The following RIC3 variants were observed in gnomAD, a reference collection of about 807,000 sequenced individuals.
RIC3 encodes the protein protein RIC-3.
Under a neutral mutation model 27.3 loss-of-function variants are expected in RIC3, and 28 were observed. The ratio of observed to expected loss-of-function variants is 1.02; its 90% CI spans 0.76 to 1.41. The LOEUF is 1.41. RIC3 is among the 40% of genes most tolerant of loss of function. The pLI, the probability that RIC3 is intolerant of heterozygous loss-of-function variation, is 0.00. For missense variants in RIC3, 501 were observed against 444.7 expected, an observed-to-expected ratio of 1.13 and a Z score of -1.14; for synonymous variants, 184 against 160.4, an observed-to-expected ratio of 1.15 and a Z score of -1.11.
intron 5 of RIC3, among the ~76,000 whole-genome samples, chr11:8,119,525 ACCT>A (rs1205099617): frequency 6.6e-6 from 1 of 152,194 alleles, no homozygotes; most frequent in Non-Finnish European, 1.5e-5. Flanking sequence ...CCTTCCTTGC[ACCT>A]TATACAAAAA....
intron 5 of RIC3, among the ~76,000 whole-genome samples, chr11:8,113,388 A>C (rs1414675706): frequency 1.3e-5 from 2 of 152,116 alleles, no homozygotes; most frequent in African/African-American, 4.8e-5. Flanking sequence ...TAATGCCTGC[A>C]CCCACAGACC....
the RIC3 span, among the ~76,000 whole-genome samples, chr11:8,100,341 C>T: frequency 2.6e-5 from 4 of 152,012 alleles, no homozygotes; most frequent in South Asian, 4.2e-4. Flanking sequence ...GGGTAGAGAC[C>T]CAGGGGCTCA....
In RIC3 at chr11:8,122,455, G is replaced by GTATGTATATATATATATATATA. The variant is rs1946561326; in HGVS notation, c.670+4203_670+4204insTATATATATATATATATACATA. Among the ~76,000 whole-genome samples the GTATGTATATATATATATATATA allele has an allele frequency of 2.0e-5, 3 of 151,704 alleles. No individual in the cohort carries two copies. The Admixed American group carries it at 2.0e-4, about 10-fold the overall frequency. On this transcript the variant is annotated intron_variant, in intron 5 of 5. Coordinates refer to ENST00000309737, the MANE Select transcript of RIC3 (RefSeq NM_001206671.4). ...TATTGCTAAGTGTATACCACAGTGT[G>GTATGTATATATATATATATATA]TATATATATATGTACCACAGTTTAT...
chr11:8,119,464 A>T (rs11041750), intron 5 of RIC3, among the ~76,000 whole-genome samples: 6,321 of 152,088 alleles, frequency 0.042, 154 homozygotes, highest in Middle Eastern at 0.078. Flanking sequence ...CTATTTAATA[A>T]ATGGTGCTGG....
intron 4 of RIC3, among the ~76,000 whole-genome samples, chr11:8,131,900 CAAAAAAAAAAAAAAAA>C (rs796158730): frequency 4.6e-4 from 12 of 26,176 alleles, no homozygotes; most frequent in East Asian, 2.2e-3. Context: ...GACTCCATCT[CAAAAAAAAAAAAAAAA>C]AAAAAAAAAA....
intron 4 of RIC3, among the ~76,000 whole-genome samples, chr11:8,131,855 T>C (rs1197231937): frequency 7.6e-6 from 1 of 131,808 alleles, no homozygotes; most frequent in Admixed American, 9.6e-5. Context: ...GACCTGAGAT[T>C]GCACCACAGC....
At chr11:8,102,018 G>C, downstream of RIC3, 1 of 209,250 alleles carries the variant, frequency 4.8e-6, no homozygotes, top group African/African-American at 2.3e-5. Flanking sequence ...CAGCCAAGGA[G>C]TCAGATGGCA....
chr11:8,110,487 A>C lies in RIC3; in HGVS notation c.*211T>G. ...AGGAAAGGCAGGAAGAGAAAGAGCG[A>C]AGCTGTCCTGTGTTCACACTAATGT... On this transcript the variant is annotated 3_prime_UTR_variant, in exon 6 of 6. Coordinates refer to ENST00000309737, the MANE Select transcript of RIC3 (RefSeq NM_001206671.4). 1.6e-6 allele frequency: 1 copy of C among 636,452 alleles called. No individual in the cohort carries two copies. The highest frequency in any genetic ancestry group is 2.8e-6 in the Non-Finnish European group (1 of 353,414). The allele number at this position is 636,452 out of a possible 1,614,324, so 39.4% of individuals were successfully genotyped here.
intron 5 of RIC3, among the ~76,000 whole-genome samples, chr11:8,120,839 T>G (rs1946364662): frequency 6.6e-6 from 1 of 152,096 alleles, no homozygotes; most frequent in African/African-American, 2.4e-5. Context: ...AATATCAAAT[T>G]AAAGTAGAGA....
chr11:8,137,264 T>C, intron 4 of RIC3, 114 bp downstream of exon 4: 2 of 803,344 alleles, frequency 2.5e-6, no homozygotes, highest in Non-Finnish European at 4.2e-6. Context: ...CCTCAGATGA[T>C]CCACCCACCT....
chr11:8,127,004 ATT>A (rs1291124680), intron 4 of RIC3, 197 bp from the exon 5 acceptor site: 1 of 656,304 alleles, frequency 1.5e-6, no homozygotes, highest in Non-Finnish European at 2.6e-6. Flanking sequence ...AAATGGGAAA[ATT>A]AAAGCCCAGA....
chr11:8,163,040 CACACACACACAT>C (rs1420098616), intron 1 of RIC3, among the ~76,000 whole-genome samples: 15 of 147,126 alleles, frequency 1.0e-4, no homozygotes, highest in African/African-American at 3.6e-4. Flanking sequence ...CACACACACA[CACACACACACAT>C]ACACACACAC....
At chr11:8,101,541 T>C (rs1944306300), downstream of RIC3, 3 of 1,614,204 alleles carry the variant, frequency 1.9e-6, no homozygotes, top group African/African-American at 4.0e-5. Context: ...TCACCATGGA[T>C]TACAACTACC....
At chr11:8,158,280 T>C (rs1950852037) in intron 1 of RIC3, among the ~76,000 whole-genome samples, 1 of 152,204 alleles carries the variant, frequency 6.6e-6, no homozygotes, top group Non-Finnish European at 1.5e-5. Flanking sequence ...GGGTCTGTGC[T>C]ATTCCACAGG....
At position 8,163,483 on chromosome 11, in the gene RIC3, T is replaced by TA. The variant is rs1215562983; in HGVS notation, c.124+5382dup. The stretch of plus-strand genomic sequence containing the variant: ...AAATAAAAATAAAAGGCATTCAGAT[T>TA]AAAAAAAAAAGTAAAACTATCTCTA... On this transcript the variant is annotated intron_variant, in intron 1 of 5. Coordinates refer to ENST00000309737, the MANE Select transcript of RIC3 (RefSeq NM_001206671.4). 4.1e-4 allele frequency among the ~76,000 whole-genome samples: 61 copies of TA among 147,538 alleles called. 1 individual carries two copies. The South Asian group carries it at 5.4e-3, about 13-fold the overall frequency.
At chr11:8,104,657 A>G (rs566594158), downstream of RIC3, 1 of 152,114 alleles carries the variant, frequency 6.6e-6, no homozygotes, top group East Asian at 1.9e-4. Context: ...AGAGGACACC[A>G]TCCAAGAATG....
chr11:8,138,224 C>T, intron 3 of RIC3, 48 bp downstream of exon 3: 2 of 1,332,690 alleles, frequency 1.5e-6, no homozygotes, highest in Non-Finnish European at 2.2e-6. Context: ...GGCTATAAAA[C>T]TGTTTGACTC....
At chr11:8,149,863 A>G (rs1381268301) in intron 1 of RIC3, among the ~76,000 whole-genome samples, 1 of 152,176 alleles carries the variant, frequency 6.6e-6, no homozygotes, top group Admixed American at 6.5e-5. Flanking sequence ...CACTGCTATC[A>G]ACCAACCACC....
the RIC3 span, chr11:8,101,008 C>T: frequency 3.1e-6 from 5 of 1,614,034 alleles, no homozygotes; most frequent in Non-Finnish European, 4.2e-6. Context: ...GTGAGTGTTT[C>T]TGTCCCTACT....
Sources: gnomAD v4.1 joint callset for allele counts (sites outside exome capture counted in the v4.1 genomes callset) on GRCh38, gnomAD v4.1.1 for gene constraint, MANE v1.5 for transcripts, NCBI Gene and HGNC (gene_info 2026-07-23, HGNC 2026-07-21) for gene names.